The following TRPM1 variants were observed in gnomAD, a reference collection of about 807,000 sequenced individuals.
TRPM1 encodes transient receptor potential cation channel subfamily M member 1.
A neutral mutation model predicts 149.4 loss-of-function variants in TRPM1; 113 were observed. The observed-to-expected ratio is 0.76, with a 90% CI of 0.65 to 0.88. The LOEUF (loss-of-function observed/expected upper bound fraction) is 0.88. Ranked by LOEUF, TRPM1 falls within the 40% of genes least tolerant of loss-of-function variation. The pLI is 0.00. For missense variants in TRPM1, 1,976 were observed against 2,038.7 expected (o/e 0.97, Z 0.59); for synonymous variants, 741 against 759.5 (o/e 0.98, Z 0.40).
chr15:31,104,671 G>A (rs1018597608), upstream of TRPM1, among the ~76,000 whole-genome samples: 4 of 137,302 alleles, frequency 2.9e-5, no homozygotes, highest in African/African-American at 1.1e-4. Flanking sequence ...TCGGCTCACT[G>A]CAAGCTCCGC....
chr15:31,006,575 T>C (rs2031996854), intron 27 of TRPM1, among the ~76,000 whole-genome samples: 1 of 152,240 alleles, frequency 6.6e-6, no homozygotes, highest in Non-Finnish European at 1.5e-5. Context: ...GCTATAAACA[T>C]TCATGTACAG....
In TRPM1 at chr15:31,053,778, A is replaced by G. The variant is rs558284374; in HGVS notation, c.1264-3196T>C. 2.0e-5 allele frequency among the ~76,000 whole-genome samples: 3 copies of G among 152,356 alleles called. No homozygotes were observed. The South Asian group carries it at 6.2e-4, about 32-fold the overall frequency. On this transcript the variant is annotated intron_variant, in intron 11 of 27. Transcript: ENST00000256552. Reference sequence around the variant, plus strand: ...AAGAACTGAAAGCAAGTCTCAAAGAAGTATTTGTACACCTACATTCATAGC... The same window carrying G: ...AAGAACTGAAAGCAAGTCTCAAAGAGGTATTTGTACACCTACATTCATAGC...
chr15:31,032,889 G>A lies in TRPM1; in HGVS notation c.2752C>T (p.Gln918Ter). The A allele has an allele frequency of 6.2e-7, 1 of 1,614,188 alleles. No individual in the cohort carries two copies. Among genetic ancestry groups the A allele is most frequent in the Non-Finnish European group, 8.5e-7 (1 of 1,180,050 alleles). The change falls in exon 22 of 28, where the codon CAG becomes TAG. Residue 918 changes from glutamine (Q) to a stop codon, truncating the protein, a stop_gained. Transcript: ENST00000256552. LOFTEE classifies it high-confidence loss of function. ...AGATCTGTGATGTTCCAGTACTCCT[G>A]AAGCCAAACTTTGATTTTCTGGCTG... ...KLSQKIKVWL[Q>*]EYWNITDLVA...
At chr15:31,110,646 C>A (rs1431089953) in intron 1 of TRPM1, among the ~76,000 whole-genome samples, 1 of 152,160 alleles carries the variant, frequency 6.6e-6, no homozygotes, top group Non-Finnish European at 1.5e-5. Context: ...TTTTGCACCA[C>A]TCTTCTGCAC....
At chr15:31,018,299 C>T (rs2032440717) in intron 27 of TRPM1, among the ~76,000 whole-genome samples, 2 of 152,208 alleles carry the variant, frequency 1.3e-5, no homozygotes, top group South Asian at 4.1e-4. Context: ...GATCTGCCCG[C>T]CTCGGCCTCC....
At chr15:31,129,049 G>A (rs1233706033) in intron 1 of TRPM1, among the ~76,000 whole-genome samples, 1 of 152,230 alleles carries the variant, frequency 6.6e-6, no homozygotes, top group Non-Finnish European at 1.5e-5. Flanking sequence ...GGGAAAGGAA[G>A]CCTGCTGGAG....
intron 11 of TRPM1, among the ~76,000 whole-genome samples, chr15:31,057,738 C>T (rs2140949686): frequency 6.6e-6 from 1 of 152,226 alleles, no homozygotes; most frequent in East Asian, 1.9e-4. Flanking sequence ...GGCTCTGTGT[C>T]CCACCCAAAT....
chr15:31,095,133 G>A (rs929648247), intron 1 of TRPM1, among the ~76,000 whole-genome samples: 1 of 152,256 alleles, frequency 6.6e-6, no homozygotes, highest in Non-Finnish European at 1.5e-5. Flanking sequence ...ACATATGTAT[G>A]ATTCCATTTA....
chr15:31,061,510 G>A lies in TRPM1; in HGVS notation c.1094C>T (p.Thr365Ile), dbSNP rs2034231675. ...MECMKKKELV[T>I]VFRMGSEGQQ... ...GCCCTCAGAACCCATTCTGAACACAGTGACCTGAAAATGTGAAAAGACTGA... is the reference window on the plus strand; with the variant it reads ...GCCCTCAGAACCCATTCTGAACACAATGACCTGAAAATGTGAAAAGACTGA... Residue 365 changes from threonine to isoleucine, a missense_variant, in exon 10 of 28, where the codon ACT becomes ATT. By Grantham distance (89) the Thr-to-Ile change is moderately conservative (BLOSUM62 -1). This residue lies in a region of TRPM1 where 1,332 missense variants were observed against 1,347.1 expected (regional missense o/e 0.99). Transcript: ENST00000256552. The A allele has an allele frequency of 3.1e-6, 5 of 1,613,942 alleles. No individual in the cohort carries two copies. Among genetic ancestry groups the A allele is most frequent in the Non-Finnish European group, 4.2e-6 (5 of 1,180,008 alleles).
At chr15:31,019,100 C>T (rs1170772029) in intron 27 of TRPM1, among the ~76,000 whole-genome samples, 5 of 152,198 alleles carry the variant, frequency 3.3e-5, no homozygotes, top group Non-Finnish European at 5.9e-5. Context: ...GAGCTAGGTC[C>T]AGTTCATACT....
intron 1 of TRPM1, among the ~76,000 whole-genome samples, chr15:31,112,132 A>G (rs191788570): frequency 3.3e-5 from 5 of 152,346 alleles, no homozygotes; most frequent in Admixed American, 3.3e-4. Flanking sequence ...GTGTGGCAAT[A>G]GAAGAAGGGA....
rs778148287 is a variant in TRPM1 at position 31,067,914 on chromosome 15, G to A, written c.458C>T (p.Thr153Ile). The A allele has an allele frequency of 5.0e-6, 8 of 1,613,666 alleles. No homozygotes were observed. The East Asian group carries it at 1.3e-4, about 27-fold the overall frequency. ...ACCCCCGGTGAAGATCCAGGCCCCG[G>A]TGGTCATAGCAGCCTTGATCAGGCC... ...GKGLIKAAMT[T>I]GAWIFTGGVS... Residue 153 changes from threonine (T) to isoleucine (I), a missense_variant, in exon 5 of 28, where the codon ACC becomes ATC. Thr to Ile is a moderately conservative substitution (Grantham distance 89). Around this residue, in one of 3 missense-constraint regions of TRPM1, gnomAD observed 1,332 missense variants for 1,347.1 expected, o/e 0.99. Transcript: ENST00000256552.
chr15:31,112,623 C>T (rs923265819), intron 1 of TRPM1, among the ~76,000 whole-genome samples: 2 of 152,044 alleles, frequency 1.3e-5, no homozygotes, highest in East Asian at 1.9e-4. Flanking sequence ...GATGAAAAGG[C>T]GTGGTGTCCA....
At chr15:31,142,175 A>G (rs1264242999) in intron 1 of TRPM1, among the ~76,000 whole-genome samples, 3 of 152,198 alleles carry the variant, frequency 2.0e-5, no homozygotes, top group Admixed American at 1.3e-4. Flanking sequence ...AATTCTTTGT[A>G]AAAGAAATTC....
chr15:31,098,729 G>C (rs2035448248), intron 1 of TRPM1, among the ~76,000 whole-genome samples: 1 of 152,046 alleles, frequency 6.6e-6, no homozygotes. Flanking sequence ...CTACCTTAAG[G>C]CATTTCAGGC....
intron 5 of TRPM1, 32 bp from the exon 6 acceptor site, chr15:31,067,219 CTT>C: frequency 6.2e-7 from 1 of 1,614,084 alleles, no homozygotes; most frequent in Non-Finnish European, 8.5e-7. Context: ...ATTTTAGGCT[CTT>C]TTACTTCCCA....
intron 10 of TRPM1, among the ~76,000 whole-genome samples, chr15:31,061,062 C>T (rs888121914): frequency 9.8e-5 from 15 of 152,312 alleles, no homozygotes; most frequent in South Asian, 2.1e-4. Flanking sequence ...AGACCCTCCC[C>T]GCCCGGCCAT....
At chr15:31,046,401 C>T (rs1032730478) in intron 15 of TRPM1, among the ~76,000 whole-genome samples, 168 bp from the exon 16 acceptor site, 2 of 152,156 alleles carry the variant, frequency 1.3e-5, no homozygotes, top group Admixed American at 1.3e-4. Context: ...AATATAGAAA[C>T]TCTTCTTCTG....
chr15:31,050,624 C>T, intron 11 of TRPM1, 42 bp from the exon 12 acceptor site: 2 of 1,610,986 alleles, frequency 1.2e-6, no homozygotes, highest in Non-Finnish European at 1.7e-6. Context: ...GGTACTAAGG[C>T]TCTTTCTTGT....
Sources: gnomAD v4.1 joint callset for allele counts (sites outside exome capture counted in the v4.1 genomes callset) on GRCh38, gnomAD v4.1.1 for gene constraint, gnomAD v4.1.1 regional missense constraint, MANE v1.5 for transcripts, NCBI Gene and HGNC (gene_info 2026-07-23, HGNC 2026-07-21) for gene names.